FMN2: variants seen among roughly 807,000 people sequenced by gnomAD.
FMN2 encodes the protein formin 2.
Under a neutral mutation model 142.3 loss-of-function variants are expected in FMN2, and 51 were observed. The observed-to-expected ratio is 0.36, with a 90% CI of 0.29 to 0.45. The LOEUF is 0.45. Among genes scored for constraint, FMN2 ranks in the 20% least tolerant of loss-of-function variants. The pLI is 1.00. For synonymous variants in FMN2, 882 were observed against 869.8 expected, an observed-to-expected ratio of 1.01 and a Z score of -0.25; for missense variants, 1,936 against 2,122.8, an observed-to-expected ratio of 0.91 and a Z score of 1.73.
chr1:240,097,401 G>A (rs922923642), intron 1 of FMN2, among the ~76,000 whole-genome samples: 1 of 151,106 alleles, frequency 6.6e-6, no homozygotes, highest in Non-Finnish European at 1.5e-5. Context: ...TGTTGCCCAG[G>A]CTGGAGTGCA....
intron 14 of FMN2, among the ~76,000 whole-genome samples, chr1:240,363,435 A>G (rs1027326307): frequency 6.6e-6 from 1 of 152,214 alleles, no homozygotes; most frequent in Non-Finnish European, 1.5e-5. Context: ...CCTTTTGGAG[A>G]GAAAAACCAA....
intron 8 of FMN2, among the ~76,000 whole-genome samples, chr1:240,302,643 A>T (rs1433370430): frequency 6.6e-6 from 1 of 152,050 alleles, no homozygotes; most frequent in African/African-American, 2.4e-5. Context: ...CTCAATGGGA[A>T]GCAATTTGCA....
chr1:240,281,154 T>C (rs1669384250), intron 7 of FMN2, among the ~76,000 whole-genome samples: 1 of 152,164 alleles, frequency 6.6e-6, no homozygotes, highest in South Asian at 2.1e-4. Context: ...TAACCTTGTA[T>C]AAGCAAGTAT....
intron 14 of FMN2, among the ~76,000 whole-genome samples, chr1:240,386,757 A>T (rs1177260456): frequency 1.3e-5 from 2 of 152,204 alleles, no homozygotes; most frequent in Non-Finnish European, 2.9e-5. Flanking sequence ...CAGAACCATT[A>T]AATCACTATT....
intron 1 of FMN2, among the ~76,000 whole-genome samples, chr1:240,094,838 C>T (rs1322187534): frequency 6.6e-6 from 1 of 152,076 alleles, no homozygotes; most frequent in Non-Finnish European, 1.5e-5. Context: ...TGAAATTTCT[C>T]GGCACAGACA....
In FMN2 at chr1:240,334,198, A is replaced by G; in HGVS notation, c.4734A>G (p.Lys1578=). 6.2e-7 allele frequency: 1 copy of G among 1,605,216 alleles called. No individual in the cohort carries two copies. Reference sequence around the variant, plus strand: ...AGATGAAGTTTGAAGATTTTCAAAAAGATCTCAGAAAACTGAAGAAAGACT... The same window carrying G: ...AGATGAAGTTTGAAGATTTTCAAAAGGATCTCAGAAAACTGAAGAAAGACT... The part of the protein sequence containing the change: ...ASQMKFEDFQ[K]DLRKLKKDLK... Residue 1578 remains lysine (K), a synonymous_variant, in exon 13 of 18, where the codon AAA becomes AAG. Coordinates refer to ENST00000319653, the MANE Select transcript of FMN2 (RefSeq NM_020066.5).
rs202106334 is a variant in FMN2 at position 240,319,743 on chromosome 1, G to A, written c.4216-9333G>A. Among the ~76,000 whole-genome samples, 15 of 152,260 alleles carry A rather than the reference G, an allele frequency of 9.9e-5. No homozygotes were observed. The East Asian group carries it at 1.7e-3, about 18-fold the overall frequency. ...TGATGTGATTAACTAATGTATAAGT[G>A]TGGAGCCACTTTGTTCGTGTATTTG... On this transcript the variant is annotated intron_variant, in intron 8 of 17. Transcript: ENST00000319653.
chr1:240,405,981 TG>T (rs1242816295), intron 15 of FMN2, among the ~76,000 whole-genome samples: 2 of 145,064 alleles, frequency 1.4e-5, no homozygotes, highest in African/African-American at 5.2e-5. Context: ...GCCTCAGGAG[TG>T]GGGGAAGCGA....
chr1:240,472,168 T>C (rs1572349069), intron 16 of FMN2: 1 of 500,236 alleles, frequency 2.0e-6, no homozygotes, highest in Non-Finnish European at 3.5e-6. Flanking sequence ...GATTCCAAGT[T>C]AAGAACTCCT....
intron 16 of FMN2, among the ~76,000 whole-genome samples, chr1:240,468,206 A>ATG (rs199866888): frequency 0.018 from 2,626 of 147,956 alleles, 35 homozygotes; most frequent in Non-Finnish European, 0.024. Context: ...ATATATATAT[A>ATG]TGTGTGTGTG....
At chr1:240,198,547 A>G (rs554728102) in intron 4 of FMN2, among the ~76,000 whole-genome samples, 8 of 152,306 alleles carry the variant, frequency 5.3e-5, no homozygotes, top group African/African-American at 1.7e-4. Flanking sequence ...TAGAGATGCC[A>G]TCTCAGCTCC....
intron 6 of FMN2, among the ~76,000 whole-genome samples, chr1:240,241,222 T>TC (rs1323887711): frequency 6.7e-6 from 1 of 148,384 alleles, no homozygotes; most frequent in South Asian, 2.1e-4. Flanking sequence ...TATTTTCAAC[T>TC]CTGGATTTTT....
chr1:240,245,084 A>G (rs1345834509), intron 6 of FMN2, among the ~76,000 whole-genome samples: 1 of 152,218 alleles, frequency 6.6e-6, no homozygotes, highest in Non-Finnish European at 1.5e-5. Context: ...AAAAGAGTAA[A>G]GAAGTGGCTC....
intron 16 of FMN2, among the ~76,000 whole-genome samples, chr1:240,467,277 C>CTTTTTT (rs35875922): frequency 7.8e-5 from 11 of 140,920 alleles, no homozygotes; most frequent in African/African-American, 2.9e-4. Flanking sequence ...TAAATCGTTC[C>CTTTTTT]TTTTTTTTTT....
At chr1:240,470,610 C>T (rs1044903117) in intron 16 of FMN2, among the ~76,000 whole-genome samples, 6 of 152,056 alleles carry the variant, frequency 3.9e-5, no homozygotes, top group Admixed American at 1.3e-4. Flanking sequence ...GAGATGAATT[C>T]TGTCATTAGA....
chr1:240,465,298 C>T (rs1489412227), intron 16 of FMN2, among the ~76,000 whole-genome samples: 1 of 110,164 alleles, frequency 9.1e-6, no homozygotes, highest in African/African-American at 3.8e-5. Context: ...CACCTCTCTC[C>T]TCCCCACACA....
chr1:240,266,182 C>CT, intron 7 of FMN2, among the ~76,000 whole-genome samples: 1 of 83,984 alleles, frequency 1.2e-5, no homozygotes, highest in South Asian at 3.8e-4. Flanking sequence ...CAATCTTTGT[C>CT]CCTTTCTCCC....
intron 7 of FMN2, among the ~76,000 whole-genome samples, chr1:240,272,101 T>C (rs951502271): frequency 9.9e-5 from 15 of 152,120 alleles, no homozygotes; most frequent in Non-Finnish European, 1.0e-4. Flanking sequence ...TGTTTATTTG[T>C]TTGTTTGTTT....
chr1:240,273,338 T>A (rs1411765737), intron 7 of FMN2, among the ~76,000 whole-genome samples: 10 of 152,176 alleles, frequency 6.6e-5, no homozygotes. Flanking sequence ...ATCTTCAGGA[T>A]GAAAGAACTG....
Sources: allele counts gnomAD v4.1 joint callset (sites outside exome capture counted in the v4.1 genomes callset), GRCh38; gene constraint gnomAD v4.1.1; transcripts MANE v1.5; gene names NCBI Gene and HGNC (gene_info 2026-07-23, HGNC 2026-07-21).